The following JARID2 variants were observed in gnomAD, a reference collection of about 807,000 sequenced individuals.
The protein encoded by JARID2 is jumonji and AT-rich interaction domain containing 2.
JARID2 carries 21 observed loss-of-function variants against 125.6 expected under a neutral mutation model. The ratio of observed to expected loss-of-function variants is 0.17; its 90% CI spans 0.12 to 0.24. The LOEUF (loss-of-function observed/expected upper bound fraction) is 0.24. Among genes scored for constraint, JARID2 ranks in the 10% least tolerant of loss-of-function variants. The probability of loss-of-function intolerance (pLI) is 1.00; values close to 1 mark genes in which losing one functional copy is unlikely to be tolerated. For synonymous variants in JARID2, 736 were observed against 661.6 expected, an observed-to-expected ratio of 1.11 and a Z score of -1.73; for missense variants, 1,303 against 1,639.6, an observed-to-expected ratio of 0.79 and a Z score of 3.55.
intron 1 of JARID2, among the ~76,000 whole-genome samples, chr6:15,372,171 G>T (rs534543934): frequency 6.6e-6 from 1 of 152,276 alleles, no homozygotes; most frequent in Admixed American, 6.5e-5. Flanking sequence ...AGATCATCTA[G>T]ACTTCTCATT....
At chr6:15,464,039 G>A (rs1301150476) in intron 4 of JARID2, among the ~76,000 whole-genome samples, 7 of 152,090 alleles carry the variant, frequency 4.6e-5, no homozygotes, top group Admixed American at 4.6e-4. Flanking sequence ...TTTCTTAGAT[G>A]CTTTGTGTCT....
chr6:15,438,768 C>T (rs151091267), intron 3 of JARID2, among the ~76,000 whole-genome samples: 1 of 152,290 alleles, frequency 6.6e-6, no homozygotes, highest in East Asian at 1.9e-4. Context: ...GTGGCTCACA[C>T]CTGTAATCCC....
intron 1 of JARID2, among the ~76,000 whole-genome samples, chr6:15,314,157 A>G (rs925464445): frequency 6.6e-6 from 1 of 152,184 alleles, no homozygotes; most frequent in East Asian, 1.9e-4. Context: ...CTGTATTCAA[A>G]TTAATCTTGA....
chr6:15,351,142 C>G (rs1199651847), intron 1 of JARID2, among the ~76,000 whole-genome samples: 3 of 152,156 alleles, frequency 2.0e-5, no homozygotes, highest in African/African-American at 4.8e-5. Context: ...TGAAGACCTA[C>G]TGTGCTCATC....
At chr6:15,282,339 C>T (rs546950791) in intron 1 of JARID2, among the ~76,000 whole-genome samples, 1 of 152,270 alleles carries the variant, frequency 6.6e-6, no homozygotes, top group Admixed American at 6.5e-5. Context: ...TATTTTCCTC[C>T]CTTCTTGCCA....
chr6:15,247,477 A>G lies in JARID2; in HGVS notation c.45+893A>G, dbSNP rs993263919. 6 of 983,204 alleles carry G rather than the reference A, an allele frequency of 6.1e-6. No homozygotes were observed. The African/African-American group carries it at 8.8e-5, about 14-fold the overall frequency. 60.9% of individuals were successfully genotyped at this position (983,204 alleles called of 1,614,324 possible). ...GGAGGAAAGGGGGACCGAGGGATTA[A>G]CCAAATATGCACTCGAGTGATCTGT... On this transcript the variant is annotated intron_variant, in intron 1 of 17. Transcript: ENST00000341776.
chr6:15,381,130 G>C (rs1412119049), intron 2 of JARID2, among the ~76,000 whole-genome samples: 7 of 151,580 alleles, frequency 4.6e-5, no homozygotes, highest in Admixed American at 4.6e-4. Flanking sequence ...GAGGCGGGTG[G>C]ATCACGAGGT....
At chr6:15,343,059 A>G (rs914582618) in intron 1 of JARID2, among the ~76,000 whole-genome samples, 15 of 151,958 alleles carry the variant, frequency 9.9e-5, no homozygotes, top group Non-Finnish European at 1.3e-4. Flanking sequence ...GTGAAACCCC[A>G]TCTCTACTAA....
At chr6:15,377,205 G>A (rs1214396413) in intron 2 of JARID2, among the ~76,000 whole-genome samples, 1 of 152,130 alleles carries the variant, frequency 6.6e-6, no homozygotes, top group East Asian at 1.9e-4. Flanking sequence ...AAGAAAAAGT[G>A]GTTTAATTGG....
At chr6:15,277,789 AAAAAAC>A (rs1195573418) in intron 1 of JARID2, among the ~76,000 whole-genome samples, 35 of 144,658 alleles carry the variant, frequency 2.4e-4, no homozygotes, top group African/African-American at 8.3e-4. Context: ...AAAAAAAAAA[AAAAAAC>A]AGTCAAGGAT....
intron 1 of JARID2, among the ~76,000 whole-genome samples, chr6:15,318,079 G>A (rs950586465): frequency 5.3e-4 from 81 of 152,298 alleles, no homozygotes; most frequent in African/African-American, 1.8e-3. Flanking sequence ...GCATGGTGGC[G>A]CATGCCTGTA....
chr6:15,377,558 C>T (rs929603422), intron 2 of JARID2, among the ~76,000 whole-genome samples: 18 of 152,238 alleles, frequency 1.2e-4, no homozygotes, highest in African/African-American at 2.4e-4. Flanking sequence ...CCCCACCTCC[C>T]GGGTTCAAGC....
At position 15,374,201 on chromosome 6, in the gene JARID2, C is replaced by G. The variant is rs1456926595; in HGVS notation, c.130C>G (p.Gln44Glu). 1 of 1,614,058 alleles carries G rather than the reference C, an allele frequency of 6.2e-7. No individual in the cohort carries two copies. The highest frequency in any genetic ancestry group is 1.1e-5 in the South Asian group (1 of 91,076). ...YLSLKEFKNSQKRQHAEGIAG... is the reference protein window; with the variant it reads ...YLSLKEFKNSEKRQHAEGIAG... ...GTCTCTGAAGGAGTTCAAGAATTCC[C>G]AGAAGAGGCAGCATGCGGAAGGCAT... Residue 44 changes from glutamine to glutamate, a missense_variant, in exon 2 of 18, where the codon CAG becomes GAG. Transcript: ENST00000341776.
chr6:15,246,409 A>G lies in JARID2; in HGVS notation c.-131A>G. 1 of 676,028 alleles carries G rather than the reference A, an allele frequency of 1.5e-6. No homozygotes were observed. Among genetic ancestry groups the G allele is most frequent in the Admixed American group, 2.7e-5 (1 of 37,684 alleles). 41.9% of individuals were successfully genotyped at this position (676,028 alleles called of 1,614,324 possible). On this transcript the variant is annotated 5_prime_UTR_variant, in exon 1 of 18. Transcript: ENST00000341776. Reference sequence around the variant, plus strand: ...AATCTGGCTTTGGGGGAAGAGGAAGAAAAGTCGGATTACAAGATCAACCAC... The same window carrying G: ...AATCTGGCTTTGGGGGAAGAGGAAGGAAAGTCGGATTACAAGATCAACCAC...
intron 2 of JARID2, among the ~76,000 whole-genome samples, chr6:15,384,261 A>G (rs1191982147): frequency 6.6e-6 from 1 of 151,948 alleles, no homozygotes; most frequent in Non-Finnish European, 1.5e-5. Context: ...TAATTTTTAA[A>G]TTATTTGTAG....
chr6:15,423,599 G>T (rs1300820667), intron 3 of JARID2, among the ~76,000 whole-genome samples: 1 of 152,142 alleles, frequency 6.6e-6, no homozygotes, highest in African/African-American at 2.4e-5. Flanking sequence ...TGGCAGGATG[G>T]ACTGCAGGTT....
intron 4 of JARID2, among the ~76,000 whole-genome samples, chr6:15,458,826 C>CT: frequency 6.6e-6 from 1 of 152,324 alleles, no homozygotes; most frequent in Non-Finnish European, 1.5e-5. Flanking sequence ...GCAGAAGCAA[C>CT]TGCCAAGGCA....
At chr6:15,395,534 G>A (rs536346269) in intron 2 of JARID2, among the ~76,000 whole-genome samples, 2 of 152,176 alleles carry the variant, frequency 1.3e-5, no homozygotes, top group African/African-American at 4.8e-5. Context: ...CAAAGTGCTG[G>A]GATTACAGGT....
chr6:15,309,689 A>C (rs1361160431), intron 1 of JARID2, among the ~76,000 whole-genome samples: 1 of 152,040 alleles, frequency 6.6e-6, no homozygotes, highest in South Asian at 2.1e-4. Context: ...GTGTGTATAT[A>C]TATATATGTA....
Sources: allele counts gnomAD v4.1 joint callset (sites outside exome capture counted in the v4.1 genomes callset), GRCh38; gene constraint gnomAD v4.1.1; transcripts MANE v1.5; gene names NCBI Gene and HGNC (gene_info 2026-07-23, HGNC 2026-07-21).